The following UNC79 variants were observed in gnomAD, a reference collection of about 807,000 sequenced individuals.
UNC79 encodes protein unc-79 homolog.
A neutral mutation model predicts 283.1 loss-of-function variants in UNC79; 37 were observed. The observed-to-expected ratio is 0.13, with a 90% CI of 0.10 to 0.17. The LOEUF (loss-of-function observed/expected upper bound fraction) is 0.17. UNC79 is among the 10% of genes least tolerant of loss of function. UNC79 has a pLI of 1.00. For missense variants in UNC79, 2,272 were observed against 3,211.1 expected, an observed-to-expected ratio of 0.71 and a Z score of 7.07; for synonymous variants, 1,107 against 1,200.2, an observed-to-expected ratio of 0.92 and a Z score of 1.61.
intron 16 of UNC79, among the ~76,000 whole-genome samples, chr14:93,573,462 G>A (rs1207994149): frequency 1.3e-5 from 2 of 152,148 alleles, no homozygotes; most frequent in African/African-American, 4.8e-5. Context: ...CTAGAATATG[G>A]CACACGCTTG....
chr14:93,509,788 G>A (rs1279283910), intron 7 of UNC79, among the ~76,000 whole-genome samples: 4 of 152,112 alleles, frequency 2.6e-5, no homozygotes, highest in African/African-American at 4.8e-5. Flanking sequence ...CAGGTGCATG[G>A]TGCAAGCCAT....
intron 1 of UNC79, among the ~76,000 whole-genome samples, chr14:93,341,107 G>A (rs1333335244): frequency 6.6e-6 from 1 of 152,128 alleles, no homozygotes; most frequent in Non-Finnish European, 1.5e-5. Context: ...GAAATCCATT[G>A]AAGAATATCT....
chr14:93,340,214 G>A (rs1175126174), intron 1 of UNC79, among the ~76,000 whole-genome samples: 1 of 152,140 alleles, frequency 6.6e-6, no homozygotes, highest in African/African-American at 2.4e-5. Context: ...AGGCCAAGGT[G>A]GGCGGATCGC....
chr14:93,451,300 C>T, intron 1 of UNC79, among the ~76,000 whole-genome samples: 1 of 152,214 alleles, frequency 6.6e-6, no homozygotes, highest in Middle Eastern at 3.4e-3. Context: ...GGGCCATTTA[C>T]TGGGGGCACC....
chr14:93,465,686 A>AAGCCATTG (rs1361081510), intron 1 of UNC79, among the ~76,000 whole-genome samples: 2 of 152,222 alleles, frequency 1.3e-5, no homozygotes, highest in Non-Finnish European at 2.9e-5. Context: ...AATTATGAGC[A>AAGCCATTG]AGCCATTGAG....
At chr14:93,700,304 T>A (rs2075434706) in intron 47 of UNC79, among the ~76,000 whole-genome samples, 1 of 152,142 alleles carries the variant, frequency 6.6e-6, no homozygotes, top group African/African-American at 2.4e-5. Flanking sequence ...AATCTCTGGA[T>A]TTATAGTTTT....
chr14:93,518,510 G>A (rs1056947209), intron 7 of UNC79, among the ~76,000 whole-genome samples: 31 of 151,296 alleles, frequency 2.0e-4, no homozygotes, highest in Middle Eastern at 3.2e-3. Context: ...ACCAGTTTTT[G>A]ATTTTATTGA....
intron 5 of UNC79, among the ~76,000 whole-genome samples, chr14:93,494,052 C>T (rs569918785): frequency 6.6e-6 from 1 of 151,130 alleles, no homozygotes; most frequent in African/African-American, 2.4e-5. Context: ...TACAGGCACC[C>T]ACCACCACAC....
At chr14:93,440,542 TA>T (rs1377602227) in intron 1 of UNC79, among the ~76,000 whole-genome samples, 417 of 149,372 alleles carry the variant, frequency 2.8e-3, no homozygotes, top group African/African-American at 7.4e-3. Flanking sequence ...TTTTTTTTTT[TA>T]AATTTTTATT....
intron 1 of UNC79, among the ~76,000 whole-genome samples, chr14:93,403,745 C>T (rs1010666168): frequency 1.3e-5 from 2 of 151,696 alleles, no homozygotes; most frequent in Admixed American, 1.3e-4. Context: ...AGAAGAAGCA[C>T]CAAAAAATTA....
chr14:93,631,379 G>A (rs917283702), intron 31 of UNC79, among the ~76,000 whole-genome samples: 8 of 152,154 alleles, frequency 5.3e-5, no homozygotes, highest in Admixed American at 2.0e-4. Context: ...ACTGAATTTA[G>A]CTCTTTTGGA....
rs1211941201 is a variant in UNC79 at position 93,617,170 on chromosome 14, G to C, written c.4090G>C (p.Val1364Leu). 6.2e-7 allele frequency: 1 copy of C among 1,614,054 alleles called. No individual in the cohort carries two copies. Among genetic ancestry groups the C allele is most frequent in the East Asian group, 2.2e-5 (1 of 44,882 alleles). The change falls in exon 28 of 49, where the codon GTT becomes CTT. Residue 1364 changes from valine (V) to leucine (L), a missense_variant. Around this residue, in one of 11 missense-constraint regions of UNC79, gnomAD observed 128 missense variants for 230.3 expected, o/e 0.56. Transcript: ENST00000555664. This position sits in a 1 kb window ranked among gnomAD's most constrained non-coding sequence, Gnocchi z 4.5. ...GGGAAAACACCTTCTCCCCTTAGTG[G>C]TTCAGGTGCTCAAATACTGCTCTTG...
At chr14:93,496,301 T>C in intron 5 of UNC79, 110 bp from the exon 6 acceptor site, 1 of 638,244 alleles carries the variant, frequency 1.6e-6, no homozygotes, top group South Asian at 2.8e-5. Context: ...TCTAATTTAA[T>C]GATTAGAGAC....
rs2063242167 is a variant in UNC79, at chr14:93,572,188, C to A, written c.1946+104C>A. 3 of 1,260,188 alleles carry A rather than the reference C, an allele frequency of 2.4e-6. No individual in the cohort carries two copies. The South Asian group carries it at 5.6e-5, about 23-fold the overall frequency. 78.1% of individuals were successfully genotyped at this position (1,260,188 alleles called of 1,614,324 possible). A position where few individuals can be genotyped will look rare whatever the true frequency, so the allele number is the denominator to read the frequency against. ...CCCTACTAAGCGTTTTATATAATCT[C>A]ATTTATTTTTTAACCACCCTGTGGA... is the stretch of plus-strand genomic sequence containing the variant. On this transcript the variant is annotated intron_variant, in intron 15 of 48. Coordinates refer to ENST00000555664, the Ensembl canonical transcript of UNC79.
chr14:93,408,332 G>A (rs1302133536), intron 1 of UNC79, among the ~76,000 whole-genome samples: 1 of 152,120 alleles, frequency 6.6e-6, no homozygotes, highest in Non-Finnish European at 1.5e-5. Flanking sequence ...ACCTTTGACT[G>A]GCTTATCTCT....
chr14:93,531,530 G>A lies in UNC79; in HGVS notation c.1094-1020G>A, dbSNP rs2060822290. Among the ~76,000 whole-genome samples, 1 of 152,182 alleles carries A rather than the reference G, an allele frequency of 6.6e-6. No individual in the cohort carries two copies. The highest frequency in any genetic ancestry group is 1.5e-5 in the Non-Finnish European group (1 of 68,034). On this transcript the variant is annotated intron_variant, in intron 10 of 48. Coordinates refer to ENST00000555664, the Ensembl canonical transcript of UNC79. This position sits in a 1 kb window ranked among gnomAD's most constrained non-coding sequence, Gnocchi z 4.2. ...AAAAGAATTCTTATGCATTCATTAT[G>A]TAGACAGTAATTTGACAGTCTTGCT...
At chr14:93,416,527 T>A (rs990108296) in intron 1 of UNC79, among the ~76,000 whole-genome samples, 2 of 152,184 alleles carry the variant, frequency 1.3e-5, no homozygotes, top group Non-Finnish European at 2.9e-5. Flanking sequence ...TCTGTAGATG[T>A]CTATTAGGTC....
At chr14:93,699,897 C>G (rs541383865) in intron 47 of UNC79, among the ~76,000 whole-genome samples, 1 of 152,244 alleles carries the variant, frequency 6.6e-6, no homozygotes, top group Non-Finnish European at 1.5e-5. Flanking sequence ...TTCTATAGAT[C>G]TAAACATTCA....
chr14:93,613,932 G>A (rs907408992), intron 27 of UNC79, among the ~76,000 whole-genome samples: 11 of 151,648 alleles, frequency 7.3e-5, no homozygotes, highest in African/African-American at 1.9e-4. Flanking sequence ...TTGGAGCTAC[G>A]TAAAGCCTTG....
Sources: allele counts gnomAD v4.1 joint callset (sites outside exome capture counted in the v4.1 genomes callset), GRCh38; gene constraint gnomAD v4.1.1; regional missense constraint gnomAD v4.1.1; non-coding constraint Gnocchi (gnomAD v3.1); transcripts MANE v1.5; gene names NCBI Gene and HGNC (gene_info 2026-07-23, HGNC 2026-07-21).